The following CSMD1 variants were observed in gnomAD, a reference collection of about 807,000 sequenced individuals.
CSMD1 encodes CUB and Sushi multiple domains 1.
Under a neutral mutation model 417.5 loss-of-function variants are expected in CSMD1, and 213 were observed. The ratio of observed to expected loss-of-function variants is 0.51; its 90% CI spans 0.46 to 0.57. The LOEUF is 0.57. Ranked by LOEUF, CSMD1 falls within the 20% of genes least tolerant of loss-of-function variation. CSMD1 has a pLI of 0.00. For missense variants in CSMD1, 6,923 were observed against 4,529.7 expected, an observed-to-expected ratio of 1.53 and a Z score of -15.17; for synonymous variants, 2,862 against 1,736.8, an observed-to-expected ratio of 1.65 and a Z score of -16.11.
At chr8:3,703,435 T>TC (rs1800983867) in intron 7 of CSMD1, among the ~76,000 whole-genome samples, 1 of 118,700 alleles carries the variant, frequency 8.4e-6, no homozygotes, top group Non-Finnish European at 1.8e-5. Context: ...CCTTTCTCCC[T>TC]TTTCATTCAT....
At position 3,374,423 on chromosome 8, in the gene CSMD1, T is replaced by C. The variant is rs1480272567; in HGVS notation, c.2783-5053A>G. Among the ~76,000 whole-genome samples, 31 of 152,224 alleles carry C rather than the reference T, an allele frequency of 2.0e-4. 1 individual carries two copies. The highest frequency in any genetic ancestry group is 2.0e-3 in the Admixed American group (31 of 15,284). ...TGAATAAGACAGAAAAGTCCCTGTT[T>C]TTCCAAAGTTTACATTCTAATGGGG... On this transcript the variant is annotated intron_variant, in intron 18 of 69. Coordinates refer to ENST00000635120, the MANE Select transcript of CSMD1 (RefSeq NM_033225.6).
chr8:4,254,125 G>A (rs1247989771), intron 3 of CSMD1, among the ~76,000 whole-genome samples: 1 of 151,794 alleles, frequency 6.6e-6, no homozygotes, highest in Non-Finnish European at 1.5e-5. Flanking sequence ...CACCGTGTTA[G>A]CCAGGGTGGT....
chr8:4,921,433 A>G (rs1394492409), intron 1 of CSMD1, among the ~76,000 whole-genome samples: 3 of 152,242 alleles, frequency 2.0e-5, no homozygotes, highest in Non-Finnish European at 4.4e-5. Flanking sequence ...TATATTTTTA[A>G]GATCATGTTA....
At chr8:4,111,414 GAATT>G (rs1190649023) in intron 3 of CSMD1, among the ~76,000 whole-genome samples, 6 of 152,064 alleles carry the variant, frequency 3.9e-5, no homozygotes, top group Non-Finnish European at 7.4e-5. Flanking sequence ...CTTTATTATA[GAATT>G]ATTTATATTC....
chr8:4,915,415 A>C (rs951949209), intron 1 of CSMD1, among the ~76,000 whole-genome samples: 12 of 152,232 alleles, frequency 7.9e-5, no homozygotes, highest in African/African-American at 2.9e-4. Context: ...AATTGTTTAC[A>C]CTGTGTTGTC....
chr8:3,954,702 T>G (rs1811820936), intron 5 of CSMD1, among the ~76,000 whole-genome samples: 1 of 152,222 alleles, frequency 6.6e-6, no homozygotes, highest in Non-Finnish European at 1.5e-5. Context: ...TTCCCATGAT[T>G]CTTCCCTTAG....
chr8:3,745,700 G>T (rs756477968), intron 6 of CSMD1, among the ~76,000 whole-genome samples: 15 of 152,212 alleles, frequency 9.9e-5, no homozygotes, highest in Non-Finnish European at 2.2e-4. Flanking sequence ...GAGTAAGGAC[G>T]TTAACCTCCT....
At chr8:4,880,660 G>C (rs919537800) in intron 1 of CSMD1, among the ~76,000 whole-genome samples, 1 of 152,052 alleles carries the variant, frequency 6.6e-6, no homozygotes, top group Admixed American at 6.5e-5. Flanking sequence ...GCAATCGGAA[G>C]TGGAGACAGA....
chr8:3,859,364 A>G (rs942564047), intron 5 of CSMD1, among the ~76,000 whole-genome samples: 2 of 152,208 alleles, frequency 1.3e-5, no homozygotes, highest in African/African-American at 4.8e-5. Context: ...TTAGGTCCAG[A>G]AATACTTCTT....
rs534057737 is a variant in CSMD1, at chr8:3,513,100, G to C, written c.1345-19374C>G. Among the ~76,000 whole-genome samples the C allele has an allele frequency of 6.9e-4, 104 of 151,674 alleles. 1 individual carries two copies. Among genetic ancestry groups the C allele is most frequent in the Admixed American group, 1.2e-3 (18 of 15,244 alleles). On this transcript the variant is annotated intron_variant, in intron 10 of 69. Coordinates refer to ENST00000635120, the MANE Select transcript of CSMD1 (RefSeq NM_033225.6). The stretch of plus-strand genomic sequence containing the variant: ...CATGGTCATTGTCTAGCCCTCCTTG[G>C]GGTGAATGCATTGAATTATTATTAT...
At chr8:4,661,277 C>T (rs1322529087) in intron 1 of CSMD1, among the ~76,000 whole-genome samples, 1 of 152,168 alleles carries the variant, frequency 6.6e-6, no homozygotes, top group African/African-American at 2.4e-5. Context: ...TAATACCACT[C>T]AGCAATAAAA....
chr8:3,713,806 T>G (rs557198115), intron 6 of CSMD1, among the ~76,000 whole-genome samples: 2 of 152,330 alleles, frequency 1.3e-5, no homozygotes, highest in Admixed American at 6.5e-5. Context: ...ACCAACTACT[T>G]GCAAATTTGA....
chr8:3,182,592 G>A (rs1321233424), intron 36 of CSMD1, among the ~76,000 whole-genome samples: 1 of 49,078 alleles, frequency 2.0e-5, no homozygotes, highest in Admixed American at 2.9e-4. Flanking sequence ...GTGTGTGTGT[G>A]TGTGTGTGTG....
chr8:4,213,749 T>G (rs1800463569), intron 3 of CSMD1, among the ~76,000 whole-genome samples: 1 of 152,124 alleles, frequency 6.6e-6, no homozygotes, highest in Non-Finnish European at 1.5e-5. Flanking sequence ...GGGTAGAACA[T>G]GGCTGAGATG....
At chr8:4,862,701 A>T (rs971029028) in intron 1 of CSMD1, among the ~76,000 whole-genome samples, 1 of 152,106 alleles carries the variant, frequency 6.6e-6, no homozygotes, top group Non-Finnish European at 1.5e-5. Flanking sequence ...AAGCAAGGCC[A>T]TGGGAGGAAC....
At position 4,486,053 on chromosome 8, in the gene CSMD1, T is replaced by G. The variant is rs763293362; in HGVS notation, c.303-65988A>C. ...CAATCCTGACTTCATAAAGTAATAATATCTAAGTATTAAAATTAAATTTCT... is the reference window on the plus strand; with the variant it reads ...CAATCCTGACTTCATAAAGTAATAAGATCTAAGTATTAAAATTAAATTTCT... On this transcript the variant is annotated intron_variant, in intron 2 of 69. Transcript: ENST00000635120. 4.6e-5 allele frequency among the ~76,000 whole-genome samples: 7 copies of G among 150,766 alleles called. No individual in the cohort carries two copies. The East Asian group carries it at 1.4e-3, about 29-fold the overall frequency.
chr8:3,376,196 T>A (rs1040266192), intron 18 of CSMD1, among the ~76,000 whole-genome samples: 7 of 152,044 alleles, frequency 4.6e-5, no homozygotes, highest in Non-Finnish European at 1.0e-4. Context: ...ATAAAAAAAA[T>A]TTTTTGACAA....
At chr8:4,653,752 G>T (rs1004405799) in intron 1 of CSMD1, among the ~76,000 whole-genome samples, 6 of 152,192 alleles carry the variant, frequency 3.9e-5, no homozygotes, top group South Asian at 2.1e-4. Flanking sequence ...AAACACATTT[G>T]GTTGAAACTC....
intron 2 of CSMD1, among the ~76,000 whole-genome samples, chr8:4,504,427 G>A (rs1168593167): frequency 6.6e-6 from 1 of 152,218 alleles, no homozygotes; most frequent in Non-Finnish European, 1.5e-5. Flanking sequence ...GCTGACAATA[G>A]TGGGTTGTAC....
Sources: allele counts gnomAD v4.1 joint callset (sites outside exome capture counted in the v4.1 genomes callset), GRCh38; gene constraint gnomAD v4.1.1; transcripts MANE v1.5; gene names NCBI Gene and HGNC (gene_info 2026-07-23, HGNC 2026-07-21).